Variants in CTBP2 observed in about 807,000 individuals in gnomAD.
CTBP2 encodes C-terminal binding protein 2.
A neutral mutation model predicts 80.3 loss-of-function variants in CTBP2; 30 were observed. The ratio of observed to expected loss-of-function variants is 0.37; its 90% CI spans 0.28 to 0.51. CTBP2 has a LOEUF of 0.51. CTBP2 is among the 20% of genes least tolerant of loss of function. The pLI, the probability that CTBP2 is intolerant of heterozygous loss-of-function variation, is 0.93. For missense variants in CTBP2, 1,212 were observed against 1,375.3 expected (o/e 0.88, Z 1.88); for synonymous variants, 594 against 587.4 (o/e 1.01, Z -0.16).
At chr10:125,048,815 C>T (rs1210951948) in intron 2 of CTBP2, among the ~76,000 whole-genome samples, 2 of 152,198 alleles carry the variant, frequency 1.3e-5, no homozygotes, top group Non-Finnish European at 2.9e-5. Flanking sequence ...CTTTCCATTA[C>T]AAATGACAGC....
intron 1 of CTBP2, among the ~76,000 whole-genome samples, chr10:125,119,881 C>T (rs548159849): frequency 6.6e-6 from 1 of 152,224 alleles, no homozygotes; most frequent in Non-Finnish European, 1.5e-5. Flanking sequence ...GCTGCCTGGG[C>T]TGCTTTGCCT....
intron 2 of CTBP2, among the ~76,000 whole-genome samples, chr10:125,110,536 C>A (rs1305889588): frequency 2.6e-5 from 4 of 152,196 alleles, no homozygotes; most frequent in African/African-American, 9.7e-5. Flanking sequence ...CCTAAGCTGA[C>A]TGAAGAGGTG....
intron 1 of CTBP2, among the ~76,000 whole-genome samples, chr10:125,115,240 G>A (rs1205594924): frequency 6.6e-6 from 1 of 152,172 alleles, no homozygotes; most frequent in South Asian, 2.1e-4. Context: ...ATCTGAAACT[G>A]ACTCATGGTT....
chr10:125,021,123 C>A (rs1488906859), intron 1 of CTBP2, among the ~76,000 whole-genome samples: 1 of 152,102 alleles, frequency 6.6e-6, no homozygotes, highest in Non-Finnish European at 1.5e-5. Context: ...CAAGTTTGGC[C>A]CCTGAGACCC....
Position 125,009,451 on chromosome 10 carries a change from C to T in CTBP2, c.1679-5959G>A, listed in dbSNP as rs1365901884. 2.0e-5 allele frequency among the ~76,000 whole-genome samples: 3 copies of T among 152,288 alleles called. No homozygotes were observed. The East Asian group carries it at 5.8e-4, about 29-fold the overall frequency. ...CCCAACACAGCCGAACCTGAGGCCC[C>T]GCCTGCCTCCAAGGAAGCCCCACTT... On this transcript the variant is annotated intron_variant, in intron 1 of 8. Coordinates refer to ENST00000309035, the MANE Select transcript of CTBP2 (RefSeq NM_022802.3).
At chr10:125,002,158 A>C (rs2134256916) in intron 3 of CTBP2, among the ~76,000 whole-genome samples, 1 of 152,286 alleles carries the variant, frequency 6.6e-6, no homozygotes, top group South Asian at 2.1e-4. Flanking sequence ...AGCACTCGTA[A>C]GGCAGAGTAC....
chr10:124,984,774 C>G lies in CTBP2; in HGVS notation c.*4744G>C, dbSNP rs1404546529. 28 of 1,612,438 alleles carry G rather than the reference C, an allele frequency of 1.7e-5. No homozygotes were observed. Among genetic ancestry groups the G allele is most frequent in the Non-Finnish European group, 2.4e-5 (28 of 1,179,000 alleles). ...CTTTGTCTTCATATTCCTCCAAAAG[C>G]TAGGTAATGAGGAACAGCAAGAAAA... On this transcript the variant is annotated 3_prime_UTR_variant, in exon 9 of 9. Transcript: ENST00000309035.
chr10:125,135,276 T>A (rs2136172033), intron 1 of CTBP2, among the ~76,000 whole-genome samples: 1 of 152,050 alleles, frequency 6.6e-6, no homozygotes, highest in Admixed American at 6.5e-5. Context: ...TCCACCACCC[T>A]CTCTCCCTAC....
At chr10:125,089,132 C>T (rs1312062950) in intron 2 of CTBP2, among the ~76,000 whole-genome samples, 1 of 152,220 alleles carries the variant, frequency 6.6e-6, no homozygotes, top group African/African-American at 2.4e-5. Context: ...CTGCGACCTA[C>T]ATAGTATTTC....
intron 2 of CTBP2, among the ~76,000 whole-genome samples, chr10:125,077,511 C>T (rs184003153): frequency 8.1e-4 from 123 of 152,302 alleles, no homozygotes; most frequent in Non-Finnish European, 4.9e-4. Flanking sequence ...AAAGGGCTCA[C>T]TCACCCCCTC....
At chr10:125,047,220 C>A (rs1564794511) in intron 2 of CTBP2, among the ~76,000 whole-genome samples, 1 of 152,118 alleles carries the variant, frequency 6.6e-6, no homozygotes, top group Non-Finnish European at 1.5e-5. Context: ...ACCTCTTATT[C>A]CTGTCTGTTT....
At chr10:125,113,503 GT>G (rs1305939038) in intron 1 of CTBP2, among the ~76,000 whole-genome samples, 2 of 152,160 alleles carry the variant, frequency 1.3e-5, no homozygotes, top group African/African-American at 4.8e-5. Context: ...GCTTGTCTTC[GT>G]ATGTCACAGG....
At chr10:125,138,761 G>A (rs375301422) in intron 1 of CTBP2, among the ~76,000 whole-genome samples, 293 of 152,032 alleles carry the variant, frequency 1.9e-3, no homozygotes, top group African/African-American at 6.8e-3. Flanking sequence ...TGCCTTTCAG[G>A]CTCCAGAACT....
chr10:125,045,612 C>T (rs1286218892), intron 2 of CTBP2, among the ~76,000 whole-genome samples: 1 of 152,148 alleles, frequency 6.6e-6, no homozygotes, highest in Non-Finnish European at 1.5e-5. Context: ...GATTCTCCTG[C>T]TGTAGCCTCC....
intron 3 of CTBP2, chr10:125,001,017 C>T (rs1954409399): frequency 6.6e-6 from 1 of 152,264 alleles, no homozygotes; most frequent in Non-Finnish European, 1.5e-5. Context: ...TCTACATTTT[C>T]CAAAACCGCA....
chr10:125,118,506 C>T (rs1043771402), intron 1 of CTBP2, among the ~76,000 whole-genome samples: 3 of 152,130 alleles, frequency 2.0e-5, no homozygotes, highest in East Asian at 3.9e-4. Context: ...CACACAACGA[C>T]GTCATTTTGT....
At chr10:125,104,001 A>G (rs1851053316) in intron 2 of CTBP2, among the ~76,000 whole-genome samples, 1 of 152,248 alleles carries the variant, frequency 6.6e-6, no homozygotes, top group East Asian at 1.9e-4. Flanking sequence ...TAAACAACGT[A>G]TAGCTGAACC....
intron 2 of CTBP2, among the ~76,000 whole-genome samples, chr10:125,094,597 G>A (rs1849269541): frequency 6.6e-6 from 1 of 152,136 alleles, no homozygotes; most frequent in South Asian, 2.1e-4. Context: ...GGGCTCTCAA[G>A]CAGGGGACAC....
chr10:125,084,922 C>T (rs891312162), intron 2 of CTBP2, among the ~76,000 whole-genome samples: 15 of 152,360 alleles, frequency 9.8e-5, no homozygotes, highest in South Asian at 4.1e-4. Flanking sequence ...GCCGTCGCCA[C>T]GTCAGCAGAT....
Sources: gnomAD v4.1 joint callset for allele counts (sites outside exome capture counted in the v4.1 genomes callset) on GRCh38, gnomAD v4.1.1 for gene constraint, MANE v1.5 for transcripts, NCBI Gene and HGNC (gene_info 2026-07-23, HGNC 2026-07-21) for gene names.